The following NCKAP5 variants were observed in gnomAD, a reference collection of about 807,000 sequenced individuals.
NCKAP5 encodes the protein NCK associated protein 5, also known as nck-associated protein 5.
In NCKAP5, 92 loss-of-function variants were observed where a neutral mutation model predicts 167.0. The observed-to-expected ratio is 0.55, with a 90% CI of 0.47 to 0.66. NCKAP5 has a LOEUF of 0.66. Ranked by LOEUF, NCKAP5 falls within the 30% of genes least tolerant of loss-of-function variation. The pLI, the probability that NCKAP5 is intolerant of heterozygous loss-of-function variation, is 0.00. For missense variants in NCKAP5, 2,378 were observed against 2,315.0 expected, an observed-to-expected ratio of 1.03 and a Z score of -0.56; for synonymous variants, 891 against 877.4, an observed-to-expected ratio of 1.02 and a Z score of -0.27.
intron 3 of NCKAP5, among the ~76,000 whole-genome samples, chr2:133,422,520 G>C (rs1239873818): frequency 4.6e-5 from 7 of 152,152 alleles, no homozygotes; most frequent in Admixed American, 4.6e-4. Context: ...AAGTGTCTGT[G>C]ACCCATTTTC....
At chr2:133,578,291 T>C in the NCKAP5 span, among the ~76,000 whole-genome samples, 1 of 152,134 alleles carries the variant, frequency 6.6e-6, no homozygotes, top group Non-Finnish European at 1.5e-5. Flanking sequence ...AGTGACCCCA[T>C]CTATCCCCCA....
At chr2:132,739,646 T>C (rs1351018817) in intron 16 of NCKAP5, among the ~76,000 whole-genome samples, 1 of 152,180 alleles carries the variant, frequency 6.6e-6, no homozygotes, top group Admixed American at 6.5e-5. Context: ...GAAACCAAAT[T>C]GTCATTTGTG....
chr2:133,620,366 C>T, the NCKAP5 span, among the ~76,000 whole-genome samples: 6 of 152,148 alleles, frequency 3.9e-5, no homozygotes, highest in South Asian at 1.2e-3. Flanking sequence ...TTTCTGCTGT[C>T]TTCAGGAGAC....
the NCKAP5 span, among the ~76,000 whole-genome samples, chr2:133,651,121 T>C: frequency 6.6e-6 from 1 of 152,168 alleles, no homozygotes; most frequent in Non-Finnish European, 1.5e-5. Context: ...CTGACAATGA[T>C]TTCATATGAT....
chr2:133,151,064 T>A (rs1183965260), intron 5 of NCKAP5, among the ~76,000 whole-genome samples: 2 of 152,194 alleles, frequency 1.3e-5, no homozygotes, highest in Non-Finnish European at 2.9e-5. Flanking sequence ...GAGAGGAACT[T>A]CTAGGATACT....
At position 133,321,640 on chromosome 2, in the gene NCKAP5, G is replaced by A. The variant is rs371614569; in HGVS notation, c.70-18530C>T. ...ATGTTTTATAAAAGAAGAGAAAAGC[G>A]GGAAATGAATGCCTTGCTGCCCATA... On this transcript the variant is annotated intron_variant, in intron 3 of 19. Coordinates refer to ENST00000409261, the MANE Select transcript of NCKAP5 (RefSeq NM_207363.3). Among the ~76,000 whole-genome samples, 100 of 152,250 alleles carry A rather than the reference G, an allele frequency of 6.6e-4. 2 individuals carry two copies. The East Asian group carries it at 0.013, about 20-fold the overall frequency.
chr2:133,666,728 C>T, the NCKAP5 span, among the ~76,000 whole-genome samples: 1 of 151,928 alleles, frequency 6.6e-6, no homozygotes, highest in Admixed American at 6.5e-5. Context: ...ATAATGGAAT[C>T]GATTTAAATA....
intron 5 of NCKAP5, among the ~76,000 whole-genome samples, chr2:133,209,293 A>T (rs13006477): frequency 0.22 from 33,562 of 150,900 alleles, 4,010 homozygotes; most frequent in Middle Eastern, 0.36. Flanking sequence ...TTTGTAAAAA[A>T]TACTGAACAG....
At chr2:133,492,415 G>A (rs553501220) in intron 3 of NCKAP5, among the ~76,000 whole-genome samples, 57 of 152,264 alleles carry the variant, frequency 3.7e-4, no homozygotes, top group Non-Finnish European at 6.2e-4. Context: ...GGGTTCTTGC[G>A]GAAAGCGGGA....
In NCKAP5 at chr2:133,238,074, T is replaced by A. The variant is rs2087504838; in HGVS notation, c.144-24295A>T. ...CATGCAAAAGAGAACACAACTTCCA[T>A]CACTTGACTAAGCCAGAGGTTAACT... On this transcript the variant is annotated intron_variant, in intron 4 of 19. Coordinates refer to ENST00000409261, the MANE Select transcript of NCKAP5 (RefSeq NM_207363.3). Among the ~76,000 whole-genome samples, 2 of 152,174 alleles carry A rather than the reference T, an allele frequency of 1.3e-5. 1 individual carries two copies. Among genetic ancestry groups the A allele is most frequent in the South Asian group, 4.1e-4 (2 of 4,820 alleles).
chr2:133,440,344 G>C (rs1690755664), intron 3 of NCKAP5, among the ~76,000 whole-genome samples: 1 of 152,130 alleles, frequency 6.6e-6, no homozygotes, highest in Non-Finnish European at 1.5e-5. Flanking sequence ...TAGGACATTT[G>C]TGCAGGGACT....
chr2:133,152,199 A>G (rs986803719), intron 5 of NCKAP5, among the ~76,000 whole-genome samples: 14 of 152,250 alleles, frequency 9.2e-5, no homozygotes, highest in African/African-American at 3.4e-4. Flanking sequence ...CCTATATCCC[A>G]CCTAAAGAAA....
chr2:132,998,637 T>C (rs2077681344), intron 6 of NCKAP5, among the ~76,000 whole-genome samples: 1 of 152,204 alleles, frequency 6.6e-6, no homozygotes, highest in Non-Finnish European at 1.5e-5. Context: ...AACTTCTCTA[T>C]TTTCCCAAAA....
intron 3 of NCKAP5, among the ~76,000 whole-genome samples, chr2:133,442,459 C>T (rs1414833063): frequency 7.2e-5 from 11 of 152,148 alleles, no homozygotes; most frequent in East Asian, 1.9e-4. Flanking sequence ...ACTTATTGTC[C>T]GCACCAGGGG....
At chr2:133,254,473 C>G (rs1336524286) in intron 4 of NCKAP5, among the ~76,000 whole-genome samples, 1 of 152,068 alleles carries the variant, frequency 6.6e-6, no homozygotes, top group African/African-American at 2.4e-5. Flanking sequence ...AGCAGAAGAA[C>G]CACCCAGCTG....
intron 19 of NCKAP5, among the ~76,000 whole-genome samples, chr2:132,697,315 C>T (rs1687435941): frequency 6.6e-6 from 1 of 152,196 alleles, no homozygotes; most frequent in Non-Finnish European, 1.5e-5. Flanking sequence ...CTGATAAGTG[C>T]CACTTGAGTT....
intron 6 of NCKAP5, among the ~76,000 whole-genome samples, chr2:133,030,926 T>A (rs533543370): frequency 4.6e-5 from 7 of 152,166 alleles, no homozygotes; most frequent in East Asian, 1.9e-4. Context: ...TCTCTCTCTC[T>A]CACATCTTCA....
chr2:133,218,393 T>C (rs932537492), intron 4 of NCKAP5, among the ~76,000 whole-genome samples: 1 of 152,182 alleles, frequency 6.6e-6, no homozygotes, highest in Admixed American at 6.6e-5. Flanking sequence ...TAATCTGTTA[T>C]GACAGAACAT....
At chr2:132,737,395 A>G (rs1335254525) in intron 16 of NCKAP5, among the ~76,000 whole-genome samples, 2 of 152,228 alleles carry the variant, frequency 1.3e-5, no homozygotes, top group Admixed American at 1.3e-4. Flanking sequence ...TGGGGGAAGA[A>G]TGTTAAGACT....
Sources: allele counts gnomAD v4.1 joint callset (sites outside exome capture counted in the v4.1 genomes callset), GRCh38; gene constraint gnomAD v4.1.1; transcripts MANE v1.5; gene names NCBI Gene and HGNC (gene_info 2026-07-23, HGNC 2026-07-21).